The following ZNF609 variants were observed in gnomAD, a reference collection of about 807,000 sequenced individuals.
ZNF609 encodes the protein zinc finger protein 609.
ZNF609 carries 11 observed loss-of-function variants against 109.5 expected under a neutral mutation model. The ratio of observed to expected loss-of-function variants is 0.10; its 90% CI spans 0.06 to 0.17. The LOEUF is 0.17. ZNF609 is among the 10% of genes least tolerant of loss of function. The pLI is 1.00. For missense variants in ZNF609, 1,559 were observed against 1,772.4 expected, an observed-to-expected ratio of 0.88 and a Z score of 2.16; for synonymous variants, 646 against 662.0, an observed-to-expected ratio of 0.98 and a Z score of 0.37.
At chr15:64,494,472 C>T (rs1025973939) in intron 1 of ZNF609, among the ~76,000 whole-genome samples, 3 of 152,132 alleles carry the variant, frequency 2.0e-5, no homozygotes, top group African/African-American at 7.2e-5. Context: ...GACTCTCTTT[C>T]TACCCTCAGA....
intron 2 of ZNF609, among the ~76,000 whole-genome samples, chr15:64,572,004 G>T (rs1894866663): frequency 6.6e-6 from 1 of 152,182 alleles, no homozygotes; most frequent in Non-Finnish European, 1.5e-5. Flanking sequence ...ATTCTACTTA[G>T]TGTTGCTGGA....
chr15:64,685,008 C>T lies in ZNF609; in HGVS notation c.*3322C>T, dbSNP rs1201861240. 1.3e-5 allele frequency: 2 copies of T among 152,680 alleles called. No homozygotes were observed. The highest frequency in any genetic ancestry group is 2.9e-5 in the Non-Finnish European group (2 of 68,058). The allele number at this position is 152,680 out of a possible 1,614,324, so 9.5% of individuals were successfully genotyped here. ...CGCTTGCCTTGGTGCTCAGCCCTCC[C>T]ATTGGGAGCAGGTTGGGGCGAGCTG... On this transcript the variant is annotated 3_prime_UTR_variant, in exon 10 of 10. Coordinates refer to ENST00000326648, the MANE Select transcript of ZNF609 (RefSeq NM_015042.2).
At chr15:64,473,188 G>GTTTTTTTTTTT (rs1893114721) in intron 1 of ZNF609, among the ~76,000 whole-genome samples, 2 of 124,286 alleles carry the variant, frequency 1.6e-5, no homozygotes, top group African/African-American at 7.6e-5. Flanking sequence ...CTCATATTTG[G>GTTTTTTTTTTT]TTCTTTTTTT....
chr15:64,516,004 G>A (rs893601298), intron 2 of ZNF609, among the ~76,000 whole-genome samples: 5 of 151,788 alleles, frequency 3.3e-5, no homozygotes, highest in African/African-American at 7.3e-5. Flanking sequence ...AGATCGACTT[G>A]TTTAGAAACC....
intron 1 of ZNF609, among the ~76,000 whole-genome samples, chr15:64,493,247 C>G (rs1468748062): frequency 2.0e-5 from 3 of 152,104 alleles, no homozygotes; most frequent in African/African-American, 7.2e-5. Flanking sequence ...GGTCCAGTTG[C>G]TGTTTTTGCC....
chr15:64,623,823 A>C (rs760701112), intron 3 of ZNF609, among the ~76,000 whole-genome samples: 2 of 152,188 alleles, frequency 1.3e-5, no homozygotes, highest in Non-Finnish European at 2.9e-5. Context: ...TGATTTTTGC[A>C]TATTCTTTTT....
chr15:64,604,871 G>T (rs964715891), intron 2 of ZNF609, among the ~76,000 whole-genome samples: 1 of 151,312 alleles, frequency 6.6e-6, no homozygotes, highest in South Asian at 2.1e-4. Context: ...TCGCTCTATC[G>T]CCCAGGCTGG....
chr15:64,666,692 A>T (rs928524715), intron 3 of ZNF609, among the ~76,000 whole-genome samples: 1 of 151,846 alleles, frequency 6.6e-6, no homozygotes, highest in Non-Finnish European at 1.5e-5. Context: ...TTGTATTTTT[A>T]GTAGAGATGG....
intron 2 of ZNF609, among the ~76,000 whole-genome samples, chr15:64,534,002 C>T (rs1339412432): frequency 1.3e-5 from 2 of 151,054 alleles, no homozygotes; most frequent in African/African-American, 4.9e-5. Context: ...ACAGCAATCA[C>T]TGTTATTAAC....
At position 64,499,591 on chromosome 15, in the gene ZNF609, G is replaced by A. The variant is rs1893530484; in HGVS notation, c.172G>A (p.Gly58Arg). 1.9e-6 allele frequency: 3 copies of A among 1,614,152 alleles called. No individual in the cohort carries two copies. Among genetic ancestry groups the A allele is most frequent in the Non-Finnish European group, 2.5e-6 (3 of 1,180,030 alleles). Reference protein sequence around the residue: ...KLEMSGSKEVGIPAPNAVATL... With the variant: ...KLEMSGSKEVRIPAPNAVATL... Reference sequence around the variant, plus strand: ...GGAAATGTCAGGCTCAAAGGAGGTGGGGATACCGGCTCCCAATGCTGTGGC... The same window carrying A: ...GGAAATGTCAGGCTCAAAGGAGGTGAGGATACCGGCTCCCAATGCTGTGGC... The change falls in exon 2 of 10, where the codon GGG (glycine) becomes AGG (arginine). Residue 58 changes from glycine to arginine, a missense_variant. By Grantham distance (125) the Gly-to-Arg change is moderately radical. This residue lies in a region of ZNF609 where 291 missense variants were observed against 317.8 expected (regional missense o/e 0.92). Coordinates refer to ENST00000326648, the MANE Select transcript of ZNF609 (RefSeq NM_015042.2).
At chr15:64,475,111 T>G (rs1162829131) in intron 1 of ZNF609, among the ~76,000 whole-genome samples, 3 of 150,256 alleles carry the variant, frequency 2.0e-5, no homozygotes, top group Non-Finnish European at 3.0e-5. Flanking sequence ...TTTTTTTTTT[T>G]TTTTTTTTTA....
intron 2 of ZNF609, among the ~76,000 whole-genome samples, chr15:64,600,411 C>T (rs1895475730): frequency 7.1e-6 from 1 of 141,014 alleles, no homozygotes; most frequent in African/African-American, 2.7e-5. Context: ...GAATGCGCCA[C>T]TGCACTCCAG....
chr15:64,485,927 C>T (rs1340260113), intron 1 of ZNF609, among the ~76,000 whole-genome samples: 1 of 152,154 alleles, frequency 6.6e-6, no homozygotes, highest in Non-Finnish European at 1.5e-5. Flanking sequence ...GTTCAGACCT[C>T]CCCATTTTAC....
At chr15:64,534,661 A>T (rs1375049563) in intron 2 of ZNF609, among the ~76,000 whole-genome samples, 1 of 152,070 alleles carries the variant, frequency 6.6e-6, no homozygotes, top group Non-Finnish European at 1.5e-5. Flanking sequence ...ACATGTGAAC[A>T]CAGTATATTC....
chr15:64,668,132 G>C (rs937315262), intron 3 of ZNF609, among the ~76,000 whole-genome samples: 3 of 152,150 alleles, frequency 2.0e-5, no homozygotes, highest in African/African-American at 4.8e-5. Flanking sequence ...AGGGGAAAAA[G>C]TAATAACAAA....
chr15:64,501,479 T>G (rs1490163668), intron 2 of ZNF609: 1 of 152,226 alleles, frequency 6.6e-6, no homozygotes, highest in Admixed American at 6.5e-5. Flanking sequence ...GCTGCCTGTG[T>G]TTAGGTGGCA....
At chr15:64,490,450 T>C (rs540223733) in intron 1 of ZNF609, among the ~76,000 whole-genome samples, 1 of 151,980 alleles carries the variant, frequency 6.6e-6, no homozygotes, top group Non-Finnish European at 1.5e-5. Context: ...GTTTTTGTAT[T>C]TTTAGTAGAG....
intron 1 of ZNF609, among the ~76,000 whole-genome samples, chr15:64,493,917 G>A (rs1258859522): frequency 1.3e-5 from 2 of 152,186 alleles, no homozygotes; most frequent in Non-Finnish European, 2.9e-5. Flanking sequence ...GGATGCTGTA[G>A]GGAGCAGATG....
intron 3 of ZNF609, among the ~76,000 whole-genome samples, chr15:64,658,854 A>C (rs1375875683): frequency 6.6e-6 from 1 of 152,134 alleles, no homozygotes; most frequent in Non-Finnish European, 1.5e-5. Context: ...ATATCTATTG[A>C]TATCTACCAT....
Sources: gnomAD v4.1 joint callset for allele counts (sites outside exome capture counted in the v4.1 genomes callset) on GRCh38, gnomAD v4.1.1 for gene constraint, gnomAD v4.1.1 regional missense constraint, MANE v1.5 for transcripts, NCBI Gene and HGNC (gene_info 2026-07-23, HGNC 2026-07-21) for gene names.